TM4SF4: variants seen among roughly 807,000 people sequenced by gnomAD.
TM4SF4 encodes transmembrane 4 L6 family member 4.
TM4SF4 carries 24 observed loss-of-function variants against 24.1 expected under a neutral mutation model. The ratio of observed to expected loss-of-function variants is 1.00; its 90% CI spans 0.72 to 1.40. The LOEUF (loss-of-function observed/expected upper bound fraction) is 1.40. TM4SF4 is among the 40% of genes most tolerant of loss of function. The probability of loss-of-function intolerance (pLI) is 0.00; values close to 1 mark genes in which losing one functional copy is unlikely to be tolerated. For missense variants in TM4SF4, 254 were observed against 254.2 expected (o/e 1.00, Z 0.01); for synonymous variants, 113 against 97.0 (o/e 1.17, Z -0.97).
rs138979718 is a variant in TM4SF4, at chr3:149,485,613, A to G, written c.265-2006A>G. 3.9e-3 allele frequency among the ~76,000 whole-genome samples: 590 copies of G among 152,198 alleles called. 3 individuals are homozygous for G. Among genetic ancestry groups the G allele is most frequent in the African/African-American group, 0.014 (565 of 41,506 alleles). The stretch of plus-strand genomic sequence containing the variant: ...TGTGACTTCAAGGAACTTGTGCTCT[A>G]TTTGGAGAAGACAGCCATAAAAAGC... On this transcript the variant is annotated intron_variant, in intron 2 of 4. Coordinates refer to ENST00000305354, the MANE Select transcript of TM4SF4 (RefSeq NM_004617.4).
intron 1 of TM4SF4, 116 bp from the exon 2 acceptor site, chr3:149,475,707 A>T: frequency 2.4e-6 from 2 of 821,342 alleles, no homozygotes; most frequent in East Asian, 5.3e-5. Flanking sequence ...TTACTTTGCC[A>T]TTCCCTTTGG....
intron 2 of TM4SF4, among the ~76,000 whole-genome samples, chr3:149,479,987 A>T (rs1490105602): frequency 6.6e-6 from 1 of 152,140 alleles, no homozygotes; most frequent in Non-Finnish European, 1.5e-5. Context: ...ATCTTGGATC[A>T]CCTGATTCAT....
Position 149,487,784 on chromosome 3 carries a change from G to A in TM4SF4, c.401+29G>A, listed in dbSNP as rs1363264754. The A allele has an allele frequency of 6.2e-6, 10 of 1,611,616 alleles. No homozygotes were observed. In the African/African-American group the frequency reaches 9.3e-5, roughly 15 times the overall value. On this transcript the variant is annotated intron_variant, in intron 3 of 4. Coordinates refer to ENST00000305354, the MANE Select transcript of TM4SF4 (RefSeq NM_004617.4). ...AGGCCACACCCTGCAATGCCCACCT[G>A]TCACCACAAGGGGCATGGGCAGATA... is the stretch of plus-strand genomic sequence containing the variant.
intron 2 of TM4SF4, among the ~76,000 whole-genome samples, chr3:149,480,865 T>TTATA (rs1402643870): frequency 1.5e-4 from 23 of 152,252 alleles, no homozygotes; most frequent in African/African-American, 5.5e-4. Context: ...TTTTATTTAT[T>TTATA]TATATTTTGA....
chr3:149,481,460 CTG>C (rs1277997707), intron 2 of TM4SF4, among the ~76,000 whole-genome samples: 1 of 152,120 alleles, frequency 6.6e-6, no homozygotes, highest in Non-Finnish European at 1.5e-5. Context: ...AATGAGGAAA[CTG>C]GGGCTACTGC....
intron 3 of TM4SF4, among the ~76,000 whole-genome samples, chr3:149,492,102 GCAT>G (rs1734220835): frequency 6.6e-6 from 1 of 152,100 alleles, no homozygotes; most frequent in African/African-American, 2.4e-5. Flanking sequence ...ATAAAAGCTG[GCAT>G]CATAATCCAG....
intron 2 of TM4SF4, among the ~76,000 whole-genome samples, chr3:149,477,180 C>T (rs1473855725): frequency 1.3e-5 from 2 of 152,130 alleles, no homozygotes; most frequent in African/African-American, 2.4e-5. Context: ...ATGAATGCAA[C>T]GTTGTTTAAC....
intron 3 of TM4SF4, among the ~76,000 whole-genome samples, chr3:149,497,231 T>C (rs1286974033): frequency 6.6e-6 from 1 of 152,218 alleles, no homozygotes; most frequent in Non-Finnish European, 1.5e-5. Context: ...CTAAGCACTT[T>C]ACTCATACTA....
intron 2 of TM4SF4, among the ~76,000 whole-genome samples, chr3:149,479,473 AGTAGCTG>A (rs1386897654): frequency 6.6e-6 from 1 of 151,544 alleles, no homozygotes; most frequent in South Asian, 2.1e-4. Flanking sequence ...CAGCCTCCTG[AGTAGCTG>A]GTGCTACAGG....
At position 149,492,158 on chromosome 3, in the gene TM4SF4, A is replaced by T. The variant is rs560938323; in HGVS notation, c.401+4403A>T. Among the ~76,000 whole-genome samples, 10 of 152,308 alleles carry T rather than the reference A, an allele frequency of 6.6e-5. 1 individual carries two copies. In the South Asian group the frequency reaches 2.1e-3, roughly 32 times the overall value. ...ACCCAGGCAGCAGAATTGGGGCTCA[A>T]AAAAGACAAATTTCAGAGAATGTTT... On this transcript the variant is annotated intron_variant, in intron 3 of 4. Coordinates refer to ENST00000305354, the MANE Select transcript of TM4SF4 (RefSeq NM_004617.4).
At chr3:149,498,122 A>G (rs891704795) in intron 3 of TM4SF4, among the ~76,000 whole-genome samples, 1 of 152,228 alleles carries the variant, frequency 6.6e-6, no homozygotes, top group African/African-American at 2.4e-5. Flanking sequence ...ACAAAAATAT[A>G]GTGAGTCAAA....
rs375791785 is a variant in TM4SF4, at chr3:149,498,800, C to T, written c.480C>T (p.Phe160=). Residue 160 remains phenylalanine, a synonymous_variant, in exon 4 of 5, where the codon TTC becomes TTT. Coordinates refer to ENST00000305354, the MANE Select transcript of TM4SF4 (RefSeq NM_004617.4). ...LNVVPWNLTL[F]SILLVVGGIQ... ...TGGTTCCCTGGAATCTGACCCTCTT[C>T]TCCATCCTGCTGGTCGTAGGAGGAA... The T allele has an allele frequency of 1.6e-4, 251 of 1,613,920 alleles. No individual in the cohort carries two copies. The highest frequency in any genetic ancestry group is 1.9e-4 in the Non-Finnish European group (230 of 1,179,894).
intron 2 of TM4SF4, among the ~76,000 whole-genome samples, chr3:149,478,981 G>A (rs1204790906): frequency 6.6e-6 from 1 of 152,130 alleles, no homozygotes; most frequent in Non-Finnish European, 1.5e-5. Flanking sequence ...TGGCCAGGCT[G>A]GTCTCGAACT....
At chr3:149,494,605 G>C (rs1339007173) in intron 3 of TM4SF4, 2 of 150,850 alleles carry the variant, frequency 1.3e-5, no homozygotes, top group African/African-American at 4.8e-5. Context: ...TTTTCACAAC[G>C]GGTTTGCCAC....
Position 149,498,724 on chromosome 3 carries a change from A to T in TM4SF4, c.404A>T (p.Asp135Val). 1 of 1,613,868 alleles carries T rather than the reference A, an allele frequency of 6.2e-7. No individual in the cohort carries two copies. The highest frequency in any genetic ancestry group is 1.1e-5 in the South Asian group (1 of 91,070). ...TTTGTCCCCTATATCACCAACAGGGATTATCTCAATGATGAGGCCTTATGG... is the reference window on the plus strand; with the variant it reads ...TTTGTCCCCTATATCACCAACAGGGTTTATCTCAATGATGAGGCCTTATGG... ...STWGYPFHDG[D>V]YLNDEALWNK... Residue 135 changes from aspartate (D) to valine (V), a missense_variant and splice_region_variant, in exon 4 of 5, where the codon GAT becomes GTT. Asp to Val is a radical substitution (Grantham distance 152, BLOSUM62 -3). Coordinates refer to ENST00000305354, the MANE Select transcript of TM4SF4 (RefSeq NM_004617.4).
At chr3:149,495,261 C>T (rs1020908481) in intron 3 of TM4SF4, 5 of 217,754 alleles carry the variant, frequency 2.3e-5, no homozygotes, top group Admixed American at 1.7e-4. Flanking sequence ...CAAGTAGTAA[C>T]ATGCCTTGGT....
Position 149,498,734 on chromosome 3 carries a change from T to G in TM4SF4, c.414T>G (p.Asn138Lys). The change falls in exon 4 of 5, where the codon AAT (asparagine) becomes AAG (lysine). Residue 138 changes from asparagine to lysine, a missense_variant. Transcript: ENST00000305354. Reference sequence around the variant, plus strand: ...ATATCACCAACAGGGATTATCTCAATGATGAGGCCTTATGGAACAAGTGCC... The same window carrying G: ...ATATCACCAACAGGGATTATCTCAAGGATGAGGCCTTATGGAACAAGTGCC... ...GYPFHDGDYLNDEALWNKCRE... is the reference protein window; with the variant it reads ...GYPFHDGDYLKDEALWNKCRE... 6.2e-7 allele frequency: 1 copy of G among 1,613,990 alleles called. No homozygotes were observed. Among genetic ancestry groups the G allele is most frequent in the Non-Finnish European group, 8.5e-7 (1 of 1,179,862 alleles).
chr3:149,482,238 G>C (rs1734045754), intron 2 of TM4SF4, among the ~76,000 whole-genome samples: 1 of 152,236 alleles, frequency 6.6e-6, no homozygotes. Context: ...AAGATCATGA[G>C]GGAGGAACCA....
chr3:149,501,037 A>T (rs539018223), intron 4 of TM4SF4, among the ~76,000 whole-genome samples: 95 of 142,848 alleles, frequency 6.7e-4, no homozygotes, highest in Non-Finnish European at 8.7e-4. Context: ...AAAAAAAAAA[A>T]GAGAGAGAGA....
Sources: gnomAD v4.1 joint callset for allele counts (sites outside exome capture counted in the v4.1 genomes callset) on GRCh38, gnomAD v4.1.1 for gene constraint, MANE v1.5 for transcripts, NCBI Gene and HGNC (gene_info 2026-07-23, HGNC 2026-07-21) for gene names.